DOK6: variants seen among roughly 807,000 people sequenced by gnomAD.
DOK6 encodes docking protein 6.
In DOK6, 22 loss-of-function variants were observed where a neutral mutation model predicts 44.0. The observed-to-expected ratio is 0.50, with a 90% confidence interval of 0.36 to 0.71. The LOEUF is 0.71. Among genes scored for constraint, DOK6 ranks in the 30% least tolerant of loss-of-function variants. DOK6 has a pLI of 0.00. For synonymous variants in DOK6, 166 were observed against 145.5 expected (o/e 1.14, Z -1.01); for missense variants, 340 against 416.4 (o/e 0.82, Z 1.60).
intron 7 of DOK6, among the ~76,000 whole-genome samples, chr18:69,811,015 C>A (rs1245927167): frequency 6.6e-6 from 1 of 152,072 alleles, no homozygotes; most frequent in African/African-American, 2.4e-5. Flanking sequence ...CTTACCATAG[C>A]ATTATTCACA....
intron 1 of DOK6, among the ~76,000 whole-genome samples, chr18:69,443,523 C>A (rs542911541): frequency 4.1e-4 from 63 of 152,262 alleles, no homozygotes; most frequent in Admixed American, 5.9e-4. Context: ...ATATCTTTTT[C>A]TTGTAGCCTA....
intron 1 of DOK6, among the ~76,000 whole-genome samples, chr18:69,535,462 A>G (rs532126362): frequency 6.6e-6 from 1 of 152,074 alleles, no homozygotes; most frequent in Admixed American, 6.6e-5. Context: ...TATAATTTCC[A>G]TAAACAATTA....
At chr18:69,616,198 T>C (rs925333677) in intron 3 of DOK6, among the ~76,000 whole-genome samples, 1 of 152,184 alleles carries the variant, frequency 6.6e-6, no homozygotes, top group Non-Finnish European at 1.5e-5. Context: ...CAGTGGAGTG[T>C]TACTATCACA....
chr18:69,686,533 G>A (rs1056017761), intron 4 of DOK6, among the ~76,000 whole-genome samples: 11 of 152,066 alleles, frequency 7.2e-5, no homozygotes, highest in African/African-American at 2.2e-4. Flanking sequence ...AATCCCAGAT[G>A]CTACTACAAT....
chr18:69,543,107 T>A (rs1467289165), intron 1 of DOK6, among the ~76,000 whole-genome samples: 1 of 151,462 alleles, frequency 6.6e-6, no homozygotes, highest in African/African-American at 2.4e-5. Context: ...TGGCCTTAGA[T>A]TCCTTAGGTC....
At chr18:69,768,225 A>G (rs1430438538) in intron 7 of DOK6, among the ~76,000 whole-genome samples, 1 of 152,198 alleles carries the variant, frequency 6.6e-6, no homozygotes, top group Non-Finnish European at 1.5e-5. Context: ...GGAAATGTCA[A>G]TACAACCAGA....
intron 1 of DOK6, among the ~76,000 whole-genome samples, chr18:69,523,031 C>G (rs912712890): frequency 6.6e-5 from 10 of 152,066 alleles, no homozygotes; most frequent in Non-Finnish European, 1.5e-4. Flanking sequence ...GAAGGAAGAT[C>G]TAGAAAGTGG....
chr18:69,503,626 T>G (rs1357692253), intron 1 of DOK6, among the ~76,000 whole-genome samples: 1 of 152,068 alleles, frequency 6.6e-6, no homozygotes, highest in African/African-American at 2.4e-5. Context: ...ACACAAATAC[T>G]TGTTTTTCAG....
intron 3 of DOK6, among the ~76,000 whole-genome samples, chr18:69,646,024 A>G (rs987095408): frequency 2.6e-5 from 4 of 152,172 alleles, no homozygotes; most frequent in Non-Finnish European, 4.4e-5. Flanking sequence ...TAAAAGGAAT[A>G]TGTATTTGTT....
intron 1 of DOK6, among the ~76,000 whole-genome samples, chr18:69,484,687 T>C (rs1429904610): frequency 6.6e-6 from 1 of 152,134 alleles, no homozygotes; most frequent in Non-Finnish European, 1.5e-5. Flanking sequence ...TCTTGATTCA[T>C]TAACATTGAA....
intron 1 of DOK6, among the ~76,000 whole-genome samples, chr18:69,409,439 G>A (rs1978297409): frequency 6.6e-6 from 1 of 152,126 alleles, no homozygotes; most frequent in Non-Finnish European, 1.5e-5. Context: ...GTATATGTGT[G>A]TACACACATA....
At chr18:69,609,872 A>G (rs75845347) in intron 3 of DOK6, among the ~76,000 whole-genome samples, 2,548 of 152,316 alleles carry the variant, frequency 0.017, 34 homozygotes, top group Non-Finnish European at 0.026. Context: ...TGCAATATGC[A>G]ACAACATGGA....
At chr18:69,477,751 T>G (rs946568632) in intron 1 of DOK6, among the ~76,000 whole-genome samples, 1 of 152,244 alleles carries the variant, frequency 6.6e-6, no homozygotes, top group Non-Finnish European at 1.5e-5. Flanking sequence ...ATTTCCTGCA[T>G]GATCAATATT....
intron 3 of DOK6, among the ~76,000 whole-genome samples, chr18:69,622,761 A>T (rs2144639674): frequency 6.6e-6 from 1 of 152,330 alleles, no homozygotes; most frequent in East Asian, 1.9e-4. Context: ...CAACAATATT[A>T]TTATTGTCTA....
chr18:69,589,242 G>A (rs1983572559), intron 2 of DOK6, among the ~76,000 whole-genome samples: 1 of 152,004 alleles, frequency 6.6e-6, no homozygotes, highest in Admixed American at 6.6e-5. Context: ...CGAAAATGCA[G>A]TAAAATTTTC....
At chr18:69,599,560 A>C in intron 3 of DOK6, 62 bp downstream of exon 3, 1 of 1,327,448 alleles carries the variant, frequency 7.5e-7, no homozygotes, top group Non-Finnish European at 1.1e-6. Flanking sequence ...ACAATGGCCC[A>C]GGCGGATTAA....
chr18:69,495,810 C>T (rs930371832), intron 1 of DOK6, among the ~76,000 whole-genome samples: 15 of 152,338 alleles, frequency 9.8e-5, no homozygotes, highest in Middle Eastern at 3.4e-3. Context: ...CAACTTCCCT[C>T]CTATGCTCAT....
At chr18:69,522,192 G>C (rs1008822677) in intron 1 of DOK6, among the ~76,000 whole-genome samples, 1 of 151,400 alleles carries the variant, frequency 6.6e-6, no homozygotes, top group South Asian at 2.1e-4. Flanking sequence ...ACAGTATATT[G>C]TTGGTTCAAA....
chr18:69,630,374 T>C (rs1984662419), intron 3 of DOK6, among the ~76,000 whole-genome samples: 2 of 152,242 alleles, frequency 1.3e-5, no homozygotes, highest in Non-Finnish European at 2.9e-5. Flanking sequence ...ATGTCCCACC[T>C]TGTCACATTT....
Sources: gnomAD v4.1 joint callset for allele counts (sites outside exome capture counted in the v4.1 genomes callset) on GRCh38, gnomAD v4.1.1 for gene constraint, MANE v1.5 for transcripts, NCBI Gene and HGNC (gene_info 2026-07-23, HGNC 2026-07-21) for gene names.